The following HIBCH variants were observed in gnomAD, a reference collection of about 807,000 sequenced individuals.
HIBCH encodes the protein 3-hydroxyisobutyryl-CoA hydrolase, mitochondrial.
Under a neutral mutation model 58.2 loss-of-function variants are expected in HIBCH, and 50 were observed. That is an observed-to-expected ratio of 0.86 (90% confidence interval 0.68 to 1.09). The LOEUF is 1.09. HIBCH is among the 50% of genes least tolerant of loss of function. HIBCH has a pLI of 0.00. For synonymous variants in HIBCH, 151 were observed against 146.9 expected, an observed-to-expected ratio of 1.03 and a Z score of -0.20; for missense variants, 450 against 449.7, an observed-to-expected ratio of 1.00 and a Z score of -0.01.
rs1246500711 is a variant in HIBCH at position 190,203,999 on chromosome 2, ACTTAC to A, written c.*1113_*1117del. On this transcript the variant is annotated 3_prime_UTR_variant, in exon 14 of 14. Transcript: ENST00000359678. ...ATAAATTTTGTTTGTTAATTTATAA[ACTTAC>A]CTTTAAAATTAAACAAAAATTACAA... The A allele has an allele frequency of 6.6e-6, 1 of 152,078 alleles. No homozygotes were observed. Among genetic ancestry groups the A allele is most frequent in the Non-Finnish European group, 1.5e-5 (1 of 67,942 alleles). 9.4% of individuals were successfully genotyped at this position (152,078 alleles called of 1,614,324 possible). A position where few individuals can be genotyped will look rare whatever the true frequency, so the allele number is the denominator to read the frequency against.
At chr2:190,290,147 G>A (rs1213208578) in intron 5 of HIBCH, among the ~76,000 whole-genome samples, 2 of 152,152 alleles carry the variant, frequency 1.3e-5, no homozygotes, top group Non-Finnish European at 2.9e-5. Context: ...CCAAATTGCT[G>A]GGATTACAGG....
intron 6 of HIBCH, among the ~76,000 whole-genome samples, chr2:190,280,563 T>A (rs956362227): frequency 6.6e-6 from 1 of 152,196 alleles, no homozygotes; most frequent in East Asian, 1.9e-4. Context: ...GGCCCAAGCA[T>A]GTGCATTTAG....
chr2:190,293,829 G>A (rs1483704374), intron 4 of HIBCH, among the ~76,000 whole-genome samples: 1 of 151,438 alleles, frequency 6.6e-6, no homozygotes, highest in Non-Finnish European at 1.5e-5. Flanking sequence ...GACAATTATA[G>A]TGATTATAAT....
intron 8 of HIBCH, chr2:190,251,434 A>G (rs560327244): frequency 1.9e-4 from 69 of 364,700 alleles, no homozygotes; most frequent in African/African-American, 1.5e-3. Context: ...GAACCAAACC[A>G]GGTGAAGCAA....
intron 6 of HIBCH, among the ~76,000 whole-genome samples, chr2:190,262,562 A>C (rs561961580): frequency 2.0e-5 from 3 of 152,168 alleles, no homozygotes; most frequent in Non-Finnish European, 4.4e-5. Context: ...ACCTCCTAAC[A>C]CTGCTGTCCC....
chr2:190,225,904 T>C (rs989341390), intron 11 of HIBCH, among the ~76,000 whole-genome samples: 1 of 152,034 alleles, frequency 6.6e-6, no homozygotes, highest in Non-Finnish European at 1.5e-5. Context: ...CAGCAGCACA[T>C]CAAAAAGCTT....
chr2:190,292,905 C>A (rs1370158587), intron 4 of HIBCH, among the ~76,000 whole-genome samples: 1 of 152,146 alleles, frequency 6.6e-6, no homozygotes, highest in Non-Finnish European at 1.5e-5. Flanking sequence ...ATGTCCTTCA[C>A]AATCATTTTT....
intron 11 of HIBCH, among the ~76,000 whole-genome samples, chr2:190,226,979 A>C (rs1017510309): frequency 2.0e-5 from 3 of 152,228 alleles, no homozygotes; most frequent in Admixed American, 2.0e-4. Flanking sequence ...GGAAGAATCA[A>C]TATCATGAAA....
intron 11 of HIBCH, among the ~76,000 whole-genome samples, 188 bp downstream of exon 11, chr2:190,244,699 A>G (rs1553499681): frequency 2.0e-5 from 3 of 152,212 alleles, no homozygotes; most frequent in Non-Finnish European, 4.4e-5. Context: ...CAGCAGGTAG[A>G]CACGGCACTT....
chr2:190,308,412 G>C (rs1192789006), intron 2 of HIBCH, among the ~76,000 whole-genome samples: 1 of 152,202 alleles, frequency 6.6e-6, no homozygotes, highest in Non-Finnish European at 1.5e-5. Context: ...AATACTAAGA[G>C]GTGAGTGCTT....
At chr2:190,292,710 T>C (rs1211714759) in intron 4 of HIBCH, among the ~76,000 whole-genome samples, 1 of 152,218 alleles carries the variant, frequency 6.6e-6, no homozygotes, top group Non-Finnish European at 1.5e-5. Flanking sequence ...AAAATGACTA[T>C]CTTTGTTTAT....
chr2:190,309,723 T>C (rs1016127445), intron 2 of HIBCH, among the ~76,000 whole-genome samples: 4 of 151,724 alleles, frequency 2.6e-5, no homozygotes, highest in South Asian at 2.1e-4. Flanking sequence ...GTCCGGCTAA[T>C]TTTTGTATTT....
At chr2:190,289,619 C>T (rs951842982) in intron 5 of HIBCH, among the ~76,000 whole-genome samples, 2 of 152,094 alleles carry the variant, frequency 1.3e-5, no homozygotes, top group East Asian at 3.9e-4. Context: ...TTTAAATCAT[C>T]AAGCAAAAAC....
intron 7 of HIBCH, among the ~76,000 whole-genome samples, chr2:190,253,295 A>G (rs1446538782): frequency 6.6e-6 from 1 of 152,212 alleles, no homozygotes; most frequent in Admixed American, 6.5e-5. Flanking sequence ...CTCTAGTTTT[A>G]TAATTTATGT....
chr2:190,263,754 C>T (rs1318251594), intron 6 of HIBCH, among the ~76,000 whole-genome samples: 10 of 152,198 alleles, frequency 6.6e-5, no homozygotes, highest in African/African-American at 2.2e-4. Context: ...CATCACAATT[C>T]ACCCAGCTGC....
At position 190,224,702 on chromosome 2, in the gene HIBCH, C is replaced by G. The variant is rs182278804; in HGVS notation, c.892-11627G>C. 3.7e-4 allele frequency among the ~76,000 whole-genome samples: 56 copies of G among 152,284 alleles called. 1 individual carries two copies. The highest frequency in any genetic ancestry group is 7.7e-4 in the East Asian group (4 of 5,186). On this transcript the variant is annotated intron_variant, in intron 11 of 13. Coordinates refer to ENST00000359678, the MANE Select transcript of HIBCH (RefSeq NM_014362.4). ...ATAATAATGGGAGACTTCAACACCA[C>G]ACTGTCAACATTAGGCAGATCAACG... is the stretch of plus-strand genomic sequence containing the variant.
intron 11 of HIBCH, among the ~76,000 whole-genome samples, chr2:190,229,873 A>C (rs1022892789): frequency 2.0e-5 from 3 of 152,132 alleles, no homozygotes; most frequent in African/African-American, 7.2e-5. Context: ...AATCTAAAAC[A>C]GTCTATCTAA....
At chr2:190,257,261 T>A (rs1406368333) in intron 7 of HIBCH, among the ~76,000 whole-genome samples, 1 of 152,156 alleles carries the variant, frequency 6.6e-6, no homozygotes, top group African/African-American at 2.4e-5. Context: ...GAGATGACAG[T>A]GTAGTAACAT....
rs750012707 is a variant in HIBCH at position 190,205,240 on chromosome 2, G to C, written c.1046-8C>G. On this transcript the variant is annotated splice_region_variant and splice_polypyrimidine_tract_variant and intron_variant, in intron 13 of 13. Transcript: ENST00000359678. ...GGTCTTTATCAATTAAAACTGTCAAGAGAAGATACAAATGTTAATACCATT... is the reference window on the plus strand; with the variant it reads ...GGTCTTTATCAATTAAAACTGTCAACAGAAGATACAAATGTTAATACCATT... 4 of 1,396,118 alleles carry C rather than the reference G, an allele frequency of 2.9e-6. No homozygotes were observed. Among genetic ancestry groups the C allele is most frequent in the Non-Finnish European group, 4.1e-6 (4 of 982,388 alleles). 86.5% of individuals were successfully genotyped at this position (1,396,118 alleles called of 1,614,324 possible). A position where few individuals can be genotyped will look rare whatever the true frequency, so the allele number is the denominator to read the frequency against.
Sources: gnomAD v4.1 joint callset for allele counts (sites outside exome capture counted in the v4.1 genomes callset) on GRCh38, gnomAD v4.1.1 for gene constraint, MANE v1.5 for transcripts, NCBI Gene and HGNC (gene_info 2026-07-23, HGNC 2026-07-21) for gene names.